Variants in MGMT observed in about 807,000 individuals in gnomAD.
MGMT encodes the protein methylated-DNA--protein-cysteine methyltransferase.
In MGMT, 14 loss-of-function variants were observed where a neutral mutation model predicts 15.9. The ratio of observed to expected loss-of-function variants is 0.88; its 90% CI spans 0.58 to 1.37. The LOEUF (loss-of-function observed/expected upper bound fraction) is 1.37. Ranked by LOEUF, MGMT falls within the 40% of genes most tolerant of loss-of-function variation. The pLI, the probability that MGMT is intolerant of heterozygous loss-of-function variation, is 0.00. For synonymous variants in MGMT, 130 were observed against 118.2 expected, an observed-to-expected ratio of 1.10 and a Z score of -0.65; for missense variants, 282 against 268.1, an observed-to-expected ratio of 1.05 and a Z score of -0.36.
At chr10:129,512,549 T>G (rs1845695474) in intron 1 of MGMT, among the ~76,000 whole-genome samples, 1 of 152,102 alleles carries the variant, frequency 6.6e-6, no homozygotes, top group African/African-American at 2.4e-5. Flanking sequence ...GGACTGTGTC[T>G]CATTTGCAGG....
At chr10:129,704,189 A>T (rs1279159405) in intron 2 of MGMT, among the ~76,000 whole-genome samples, 1 of 152,074 alleles carries the variant, frequency 6.6e-6, no homozygotes, top group Non-Finnish European at 1.5e-5. Context: ...ATAATATTTA[A>T]GCCAAGCAGA....
chr10:129,622,035 A>G (rs570318824), intron 2 of MGMT, among the ~76,000 whole-genome samples: 1 of 152,318 alleles, frequency 6.6e-6, no homozygotes, highest in East Asian at 1.9e-4. Flanking sequence ...ACATCTTTTG[A>G]TTAGGAGCAG....
chr10:129,638,429 C>CAAAGA, intron 2 of MGMT, among the ~76,000 whole-genome samples: 1 of 61,786 alleles, frequency 1.6e-5, no homozygotes, highest in African/African-American at 5.2e-5. Flanking sequence ...ACCAAAGAGG[C>CAAAGA]AAAAAAAAAA....
chr10:129,656,264 G>GC lies in MGMT; in HGVS notation c.126-51630dup, dbSNP rs149219859. Among the ~76,000 whole-genome samples, 65 of 152,334 alleles carry GC rather than the reference G, an allele frequency of 4.3e-4. No individual in the cohort carries two copies. In the East Asian group the frequency reaches 0.012, roughly 29 times the overall value. On this transcript the variant is annotated intron_variant, in intron 2 of 4. Transcript: ENST00000651593. ...GACAAACATCCATGGCATGAGGGCA[G>GC]CAAGAGCCCCTCTCTTGGGAACCAG...
chr10:129,483,621 C>T lies in MGMT; in HGVS notation c.-13+16325C>T, dbSNP rs79189826. Among the ~76,000 whole-genome samples, 447 of 152,078 alleles carry T rather than the reference C, an allele frequency of 2.9e-3. 3 individuals are homozygous for T. The highest frequency in any genetic ancestry group is 0.01 in the African/African-American group (433 of 41,492). On this transcript the variant is annotated intron_variant, in intron 1 of 4. Transcript: ENST00000651593. Reference sequence around the variant, plus strand: ...GCATAGTTTCTGATGATCAGTTTGCCGTCATTCTTAAATTTGTTCTTCTGT... The same window carrying T: ...GCATAGTTTCTGATGATCAGTTTGCTGTCATTCTTAAATTTGTTCTTCTGT...
intron 4 of MGMT, among the ~76,000 whole-genome samples, chr10:129,759,984 T>A (rs1383188908): frequency 6.6e-6 from 1 of 152,132 alleles, no homozygotes; most frequent in Non-Finnish European, 1.5e-5. Flanking sequence ...TCCTCGTCCT[T>A]CCCATGCGTC....
intron 1 of MGMT, among the ~76,000 whole-genome samples, chr10:129,535,996 C>T (rs1277637357): frequency 6.6e-6 from 1 of 152,074 alleles, no homozygotes; most frequent in Admixed American, 6.5e-5. Context: ...CGAGAAGAAT[C>T]GGGATACAGT....
intron 2 of MGMT, among the ~76,000 whole-genome samples, chr10:129,613,486 C>T (rs1480982418): frequency 6.6e-6 from 1 of 152,138 alleles, no homozygotes; most frequent in East Asian, 1.9e-4. Context: ...TCTGACTTGC[C>T]CTGTAGGACC....
chr10:129,560,954 A>AGTGTGTGTGTGTGTGTGTGTGTGT (rs57984603), intron 2 of MGMT, among the ~76,000 whole-genome samples: 1 of 133,320 alleles, frequency 7.5e-6, no homozygotes, highest in Non-Finnish European at 1.6e-5. Flanking sequence ...AGTAAAGAGC[A>AGTGTGTGTGTGTGTGTGTGTGTGT]GTGTGTGTGT....
At chr10:129,716,151 A>G (rs1300990279) in intron 3 of MGMT, among the ~76,000 whole-genome samples, 1 of 152,216 alleles carries the variant, frequency 6.6e-6, no homozygotes, top group Non-Finnish European at 1.5e-5. Context: ...CGAGGAAAAG[A>G]AAGTCCTTTT....
chr10:129,747,039 C>G (rs1300378213), intron 3 of MGMT, among the ~76,000 whole-genome samples: 1 of 152,090 alleles, frequency 6.6e-6, no homozygotes, highest in African/African-American at 2.4e-5. Context: ...CAAACAGAGC[C>G]TATATACAAA....
intron 2 of MGMT, among the ~76,000 whole-genome samples, chr10:129,560,953 C>CTGTGTG (rs1846269122): frequency 1.0e-5 from 1 of 99,898 alleles, no homozygotes; most frequent in Non-Finnish European, 2.1e-5. Context: ...CAGTAAAGAG[C>CTGTGTG]AGTGTGTGTG....
chr10:129,731,221 A>C (rs1271303440), intron 3 of MGMT, among the ~76,000 whole-genome samples: 1 of 18,112 alleles, frequency 5.5e-5, no homozygotes, highest in African/African-American at 6.4e-4. Context: ...GGTCGGGCTC[A>C]GAGTGGGCTT....
At chr10:129,705,434 T>C (rs1848149591) in intron 2 of MGMT, among the ~76,000 whole-genome samples, 1 of 152,118 alleles carries the variant, frequency 6.6e-6, no homozygotes, top group African/African-American at 2.4e-5. Flanking sequence ...CGAAAGGCTG[T>C]GTTTGTTTAA....
intron 2 of MGMT, among the ~76,000 whole-genome samples, chr10:129,672,174 C>A (rs570899733): frequency 6.6e-6 from 1 of 152,106 alleles, no homozygotes; most frequent in African/African-American, 2.4e-5. Flanking sequence ...ATTTTTATAT[C>A]ATTTGTTATA....
At chr10:129,579,472 A>G (rs1263843348) in intron 2 of MGMT, among the ~76,000 whole-genome samples, 1 of 152,246 alleles carries the variant, frequency 6.6e-6, no homozygotes. Flanking sequence ...TGCAGCTGTC[A>G]GGATGTATGG....
At chr10:129,706,672 C>A (rs1848166813) in intron 2 of MGMT, among the ~76,000 whole-genome samples, 1 of 152,136 alleles carries the variant, frequency 6.6e-6, no homozygotes, top group Non-Finnish European at 1.5e-5. Flanking sequence ...GGACCCAGGG[C>A]CAGGGCTTCC....
intron 2 of MGMT, among the ~76,000 whole-genome samples, chr10:129,562,772 T>C (rs1281500397): frequency 6.6e-6 from 1 of 152,158 alleles, no homozygotes; most frequent in Admixed American, 6.5e-5. Flanking sequence ...CCAGGTTTCT[T>C]TGTAAAAGTG....
At chr10:129,626,623 T>G (rs554405288) in intron 2 of MGMT, among the ~76,000 whole-genome samples, 3 of 152,262 alleles carry the variant, frequency 2.0e-5, no homozygotes, top group Admixed American at 6.5e-5. Flanking sequence ...TTGGCTGTTC[T>G]GCATGCCCAG....
Sources: gnomAD v4.1 joint callset for allele counts (sites outside exome capture counted in the v4.1 genomes callset) on GRCh38, gnomAD v4.1.1 for gene constraint, MANE v1.5 for transcripts, NCBI Gene and HGNC (gene_info 2026-07-23, HGNC 2026-07-21) for gene names.